Variants in NAALADL2 observed in about 807,000 individuals in gnomAD.
NAALADL2 encodes the protein inactive N-acetylated-alpha-linked acidic dipeptidase-like protein 2.
NAALADL2 carries 76 observed loss-of-function variants against 87.2 expected under a neutral mutation model. The ratio of observed to expected loss-of-function variants is 0.87; its 90% CI spans 0.72 to 1.05. NAALADL2 has a LOEUF of 1.05. NAALADL2 is among the 50% of genes least tolerant of loss of function. The pLI, the probability that NAALADL2 is intolerant of heterozygous loss-of-function variation, is 0.00. For synonymous variants in NAALADL2, 354 were observed against 331.0 expected (o/e 1.07, Z -0.75); for missense variants, 1,089 against 945.8 (o/e 1.15, Z -1.99).
chr3:175,038,851 G>A (rs1753723268), intron 1 of NAALADL2, among the ~76,000 whole-genome samples: 1 of 151,892 alleles, frequency 6.6e-6, no homozygotes. Flanking sequence ...AAACAGTTTT[G>A]AAAGTGAAAG....
At chr3:174,535,686 G>A (rs1322049452) in intron 1 of NAALADL2, among the ~76,000 whole-genome samples, 1 of 151,876 alleles carries the variant, frequency 6.6e-6, no homozygotes, top group Non-Finnish European at 1.5e-5. Flanking sequence ...TCTCTTATTA[G>A]TTCATTTCTC....
At chr3:174,606,325 A>T (rs1719056920) in intron 2 of NAALADL2, among the ~76,000 whole-genome samples, 1 of 152,240 alleles carries the variant, frequency 6.6e-6, no homozygotes, top group African/African-American at 2.4e-5. Context: ...ACGGAGAATG[A>T]CTTTGACGAG....
At chr3:175,603,961 C>T (rs1723312401) in intron 10 of NAALADL2, among the ~76,000 whole-genome samples, 1 of 152,108 alleles carries the variant, frequency 6.6e-6, no homozygotes, top group Non-Finnish European at 1.5e-5. Context: ...CCACTGCCCT[C>T]TAGCCTGGGC....
intron 1 of NAALADL2, among the ~76,000 whole-genome samples, chr3:174,860,708 A>G (rs1054564660): frequency 1.3e-5 from 2 of 152,056 alleles, no homozygotes; most frequent in East Asian, 3.9e-4. Flanking sequence ...ATCAAAATAA[A>G]CTAAGGAGTA....
chr3:175,373,088 GC>G (rs1766699194), intron 5 of NAALADL2, among the ~76,000 whole-genome samples: 1 of 152,064 alleles, frequency 6.6e-6, no homozygotes, highest in African/African-American at 2.4e-5. Flanking sequence ...ACCAATCAAA[GC>G]CATATGAAAT....
intron 5 of NAALADL2, among the ~76,000 whole-genome samples, chr3:175,346,599 C>A (rs1763183087): frequency 2.1e-5 from 3 of 146,282 alleles, no homozygotes; most frequent in Admixed American, 2.0e-4. Flanking sequence ...TATACACAGG[C>A]AGTTAAAAAA....
chr3:175,097,023 C>A lies in NAALADL2; in HGVS notation c.277C>A (p.Pro93Thr). The A allele has an allele frequency of 1.2e-6, 2 of 1,613,616 alleles. No homozygotes were observed. Among genetic ancestry groups the A allele is most frequent in the Non-Finnish European group, 1.7e-6 (2 of 1,179,734 alleles). ...NLDSIQPATS[P>T]KGRFQRLQEE... ...TGATTCCATTCAACCAGCAACTTCA[C>A]CCAAAGGAAGGTTCCAGAGACTTCA... is the stretch of plus-strand genomic sequence containing the variant. Residue 93 changes from proline (P) to threonine (T), a missense_variant, in exon 2 of 14, where the codon CCC (proline) becomes ACC (threonine). Transcript: ENST00000454872.
intron 1 of NAALADL2, among the ~76,000 whole-genome samples, chr3:174,876,112 G>A (rs1311687007): frequency 6.6e-6 from 1 of 151,968 alleles, no homozygotes; most frequent in Non-Finnish European, 1.5e-5. Flanking sequence ...GTGATCAGAT[G>A]TTAACAGCAC....
In NAALADL2 at chr3:175,804,571, CAT is replaced by C. The variant is rs1378798896; in HGVS notation, c.*1370_*1371del. 1 of 151,756 alleles carries C rather than the reference CAT, an allele frequency of 6.6e-6. No individual in the cohort carries two copies. The highest frequency in any genetic ancestry group is 1.5e-5 in the Non-Finnish European group (1 of 67,826). 9.4% of individuals were successfully genotyped at this position (151,756 alleles called of 1,614,324 possible). On this transcript the variant is annotated 3_prime_UTR_variant, in exon 14 of 14. Transcript: ENST00000454872. ...GGATAAAGCAATTCCCCTTAGGAAA[CAT>C]AGCCTCAGAGTATTTCATATAAATT...
chr3:175,133,207 G>A (rs1169906796), intron 2 of NAALADL2, among the ~76,000 whole-genome samples: 1 of 147,262 alleles, frequency 6.8e-6, no homozygotes, highest in South Asian at 2.1e-4. Context: ...ATGGGATGGC[G>A]GCCGGGCAGA....
chr3:174,570,492 A>T (rs1056071526), intron 2 of NAALADL2, among the ~76,000 whole-genome samples: 3 of 152,160 alleles, frequency 2.0e-5, no homozygotes, highest in Non-Finnish European at 4.4e-5. Context: ...TAATCGTGGC[A>T]TCTTTACAGT....
chr3:175,342,213 C>T (rs1040199864), intron 5 of NAALADL2, among the ~76,000 whole-genome samples: 22 of 151,878 alleles, frequency 1.4e-4, no homozygotes, highest in African/African-American at 5.3e-4. Flanking sequence ...AAAGAAGTGT[C>T]AGAAAAAAAT....
intron 9 of NAALADL2, among the ~76,000 whole-genome samples, chr3:175,536,467 C>G (rs62287125): frequency 0.14 from 21,994 of 151,810 alleles, 1,749 homozygotes; most frequent in African/African-American, 0.19. Flanking sequence ...TTTTTGCTAG[C>G]CTAATTTTAT....
intron 9 of NAALADL2, among the ~76,000 whole-genome samples, chr3:175,484,426 C>T (rs928313302): frequency 1.3e-5 from 2 of 151,944 alleles, no homozygotes; most frequent in African/African-American, 4.8e-5. Context: ...AGTTAAAATG[C>T]CACTGTATGG....
intron 10 of NAALADL2, among the ~76,000 whole-genome samples, chr3:175,584,659 A>T (rs995706748): frequency 8.7e-4 from 132 of 152,374 alleles, no homozygotes; most frequent in African/African-American, 3.0e-3. Flanking sequence ...GGCGTAGCCT[A>T]TTCATCCTAG....
At chr3:175,373,823 A>G (rs373018280) in intron 5 of NAALADL2, among the ~76,000 whole-genome samples, 2 of 152,118 alleles carry the variant, frequency 1.3e-5, no homozygotes, top group East Asian at 3.9e-4. Context: ...TGAAACACGC[A>G]TATTGTCAGT....
intron 1 of NAALADL2, among the ~76,000 whole-genome samples, chr3:175,022,212 TC>T (rs1751651953): frequency 6.6e-6 from 1 of 152,066 alleles, no homozygotes; most frequent in South Asian, 2.1e-4. Context: ...AAACCTCTTT[TC>T]TTTATGAATT....
chr3:175,189,743 G>T (rs1210967850), intron 2 of NAALADL2, among the ~76,000 whole-genome samples: 1 of 152,102 alleles, frequency 6.6e-6, no homozygotes, highest in Non-Finnish European at 1.5e-5. Context: ...AACCATAAAA[G>T]ATGTTGAATA....
intron 5 of NAALADL2, among the ~76,000 whole-genome samples, chr3:175,393,862 G>A (rs759687538): frequency 2.6e-5 from 4 of 152,174 alleles, no homozygotes; most frequent in African/African-American, 7.2e-5. Flanking sequence ...TGGTAGCTAT[G>A]TCTTCAACCC....
Sources: allele counts gnomAD v4.1 joint callset (sites outside exome capture counted in the v4.1 genomes callset), GRCh38; gene constraint gnomAD v4.1.1; transcripts MANE v1.5; gene names NCBI Gene and HGNC (gene_info 2026-07-23, HGNC 2026-07-21).